The following NCOA2 variants were observed in gnomAD, a reference collection of about 807,000 sequenced individuals.
NCOA2 encodes the protein class E basic helix-loop-helix protein 75.
Under a neutral mutation model 145.1 loss-of-function variants are expected in NCOA2, and 21 were observed. The ratio of observed to expected loss-of-function variants is 0.14; its 90% CI spans 0.10 to 0.21. NCOA2 has a LOEUF of 0.21. NCOA2 is among the 10% of genes least tolerant of loss of function. The probability of loss-of-function intolerance (pLI) is 1.00; values close to 1 mark genes in which losing one functional copy is unlikely to be tolerated. For missense variants in NCOA2, 1,472 were observed against 1,837.6 expected (o/e 0.80, Z 3.64); for synonymous variants, 619 against 637.5 (o/e 0.97, Z 0.44).
intron 2 of NCOA2, among the ~76,000 whole-genome samples, chr8:70,276,145 G>C (rs1225051592): frequency 6.6e-6 from 1 of 151,986 alleles, no homozygotes; most frequent in African/African-American, 2.4e-5. Context: ...GATAAAAGGA[G>C]GCACAGATCA....
chr8:70,337,777 C>G (rs757198127), intron 1 of NCOA2, among the ~76,000 whole-genome samples: 1 of 152,098 alleles, frequency 6.6e-6, no homozygotes, highest in Admixed American at 6.5e-5. Flanking sequence ...AATTAGAACT[C>G]AAGATTAAGA....
At chr8:70,285,184 T>C (rs1033499912) in intron 2 of NCOA2, among the ~76,000 whole-genome samples, 1 of 152,142 alleles carries the variant, frequency 6.6e-6, no homozygotes, top group Non-Finnish European at 1.5e-5. Flanking sequence ...ATTCTTCAAA[T>C]AGAAAATATA....
chr8:70,142,354 G>A (rs912240429), intron 13 of NCOA2, among the ~76,000 whole-genome samples: 2 of 152,148 alleles, frequency 1.3e-5, no homozygotes, highest in Non-Finnish European at 2.9e-5. Flanking sequence ...CTTCACTTAC[G>A]AAATGAGAAT....
chr8:70,163,441 G>A lies in NCOA2; in HGVS notation c.832+24C>T, dbSNP rs758723544. 58 of 1,528,012 alleles carry A rather than the reference G, an allele frequency of 3.8e-5. No homozygotes were observed. The Admixed American group carries it at 9.5e-4, about 25-fold the overall frequency. The allele number at this position is 1,528,012 out of a possible 1,614,324, so 94.7% of individuals were successfully genotyped here. ...TAAGTATTCTAAAATGATTCCTTTG[G>A]TCTTCTTTGGAGAGGAAATTTACCT... On this transcript the variant is annotated intron_variant, in intron 8 of 22. Coordinates refer to ENST00000452400, the MANE Select transcript of NCOA2 (RefSeq NM_006540.4).
rs755082416 is a variant in NCOA2, at chr8:70,144,613, A to G, written c.2812+29T>C. On this transcript the variant is annotated intron_variant, in intron 13 of 22. Coordinates refer to ENST00000452400, the MANE Select transcript of NCOA2 (RefSeq NM_006540.4). ...TACCATTAAATTAAATAACCCACCAATAAAGTAACAGTGCATTTGACCCCT... is the reference window on the plus strand; with the variant it reads ...TACCATTAAATTAAATAACCCACCAGTAAAGTAACAGTGCATTTGACCCCT... 3.2e-6 allele frequency: 5 copies of G among 1,565,112 alleles called. No individual in the cohort carries two copies. In the East Asian group the frequency reaches 9.0e-5, roughly 28 times the overall value.
At chr8:70,168,008 T>TG (rs1202634623) in intron 6 of NCOA2, among the ~76,000 whole-genome samples, 2 of 152,178 alleles carry the variant, frequency 1.3e-5, no homozygotes, top group Non-Finnish European at 2.9e-5. Flanking sequence ...TAAAATATAC[T>TG]GGGGACAGTA....
intron 4 of NCOA2, among the ~76,000 whole-genome samples, chr8:70,198,205 G>A (rs1817537181): frequency 6.6e-6 from 1 of 152,192 alleles, no homozygotes; most frequent in Non-Finnish European, 1.5e-5. Flanking sequence ...AAGAGCTGTC[G>A]TGGTAATGGT....
At chr8:70,402,076 A>C (rs1009621774) in intron 1 of NCOA2, 2 of 151,340 alleles carry the variant, frequency 1.3e-5, no homozygotes, top group African/African-American at 4.9e-5. Flanking sequence ...CGTCTCCATG[A>C]CTCCCCCGCC....
chr8:70,292,207 C>T (rs914302223), intron 2 of NCOA2, among the ~76,000 whole-genome samples: 4 of 151,630 alleles, frequency 2.6e-5, no homozygotes, highest in East Asian at 2.0e-4. Context: ...GGTTGCAGTG[C>T]GGTGGCGTGA....
chr8:70,212,526 T>C (rs1411309657), intron 4 of NCOA2, among the ~76,000 whole-genome samples: 1 of 152,154 alleles, frequency 6.6e-6, no homozygotes, highest in Non-Finnish European at 1.5e-5. Context: ...GAATGCTATA[T>C]GTATATTTTT....
At chr8:70,300,455 C>T (rs1480304370) in intron 1 of NCOA2, among the ~76,000 whole-genome samples, 1 of 152,158 alleles carries the variant, frequency 6.6e-6, no homozygotes, top group Admixed American at 6.5e-5. Context: ...GTAGTTCTAG[C>T]TGCATATGGT....
chr8:70,397,596 A>G lies in NCOA2; in HGVS notation c.-77+6104T>C, dbSNP rs193121579. Among the ~76,000 whole-genome samples, 744 of 152,344 alleles carry G rather than the reference A, an allele frequency of 4.9e-3. 6 individuals carry two copies. Among genetic ancestry groups the G allele is most frequent in the African/African-American group, 0.017 (708 of 41,580 alleles). On this transcript the variant is annotated intron_variant, in intron 1 of 22. Coordinates refer to ENST00000452400, the MANE Select transcript of NCOA2 (RefSeq NM_006540.4). ...TAGGTAGTTAAGGCCCAAAATGAGTAGTCCTAAAGCAGCAACAATACACAG... is the reference window on the plus strand; with the variant it reads ...TAGGTAGTTAAGGCCCAAAATGAGTGGTCCTAAAGCAGCAACAATACACAG...
chr8:70,152,952 T>C (rs1312954729), intron 11 of NCOA2, among the ~76,000 whole-genome samples: 2 of 152,216 alleles, frequency 1.3e-5, no homozygotes, highest in Non-Finnish European at 2.9e-5. Context: ...CTTCAATAAG[T>C]TTGTACAGCA....
chr8:70,347,154 C>T (rs1276039725), intron 1 of NCOA2, among the ~76,000 whole-genome samples: 1 of 152,076 alleles, frequency 6.6e-6, no homozygotes, highest in Non-Finnish European at 1.5e-5. Flanking sequence ...ATCTTACTAG[C>T]CTGGGCAACG....
intron 16 of NCOA2, among the ~76,000 whole-genome samples, chr8:70,130,620 C>T (rs1455260896): frequency 6.6e-6 from 1 of 152,162 alleles, no homozygotes; most frequent in South Asian, 2.1e-4. Flanking sequence ...ATTGGTAAGT[C>T]ACAACTCCCA....
At chr8:70,373,439 C>T (rs1811393921) in intron 1 of NCOA2, among the ~76,000 whole-genome samples, 1 of 152,168 alleles carries the variant, frequency 6.6e-6, no homozygotes, top group East Asian at 1.9e-4. Context: ...GAGTTCTTTA[C>T]ATATTCTAGA....
intron 6 of NCOA2, 127 bp downstream of exon 6, chr8:70,170,075 A>C: frequency 1.1e-6 from 1 of 900,624 alleles, no homozygotes; most frequent in Non-Finnish European, 1.7e-6. Context: ...AAAACTACCC[A>C]GTCACTCTCC....
chr8:70,347,720 C>T (rs1315888108), intron 1 of NCOA2, among the ~76,000 whole-genome samples: 1 of 152,100 alleles, frequency 6.6e-6, no homozygotes, highest in East Asian at 1.9e-4. Context: ...CCCGCTACAG[C>T]ACAATCAATC....
intron 1 of NCOA2, among the ~76,000 whole-genome samples, chr8:70,305,390 T>C (rs891015533): frequency 6.6e-6 from 1 of 152,088 alleles, no homozygotes; most frequent in African/African-American, 2.4e-5. Flanking sequence ...TAAGATATAA[T>C]CATTATTTCA....
Sources: gnomAD v4.1 joint callset for allele counts (sites outside exome capture counted in the v4.1 genomes callset) on GRCh38, gnomAD v4.1.1 for gene constraint, MANE v1.5 for transcripts, NCBI Gene and HGNC (gene_info 2026-07-23, HGNC 2026-07-21) for gene names.